TBPL1: variants seen among roughly 807,000 people sequenced by gnomAD.
TBPL1 encodes the protein TATA-box binding protein like 1.
Under a neutral mutation model 22.1 loss-of-function variants are expected in TBPL1, and 4 were observed. The ratio of observed to expected loss-of-function variants is 0.18; its 90% CI spans 0.09 to 0.41. The LOEUF is 0.41. Among genes scored for constraint, TBPL1 ranks in the 10% least tolerant of loss-of-function variants. The pLI is 1.00. For missense variants in TBPL1, 115 were observed against 222.3 expected (o/e 0.52, Z 3.07); for synonymous variants, 64 against 71.0 (o/e 0.90, Z 0.50).
chr6:133,971,649 CATT>C (rs1463924808), intron 1 of TBPL1, among the ~76,000 whole-genome samples: 1 of 151,878 alleles, frequency 6.6e-6, no homozygotes, highest in African/African-American at 2.4e-5. Flanking sequence ...GGTGGTATCT[CATT>C]GTGGTTTTGA....
intron 1 of TBPL1, among the ~76,000 whole-genome samples, chr6:133,973,814 A>G (rs1181749507): frequency 1.3e-5 from 2 of 152,134 alleles, no homozygotes; most frequent in African/African-American, 4.8e-5. Flanking sequence ...TTGACAAATC[A>G]CACTAAGCCA....
intron 2 of TBPL1, 138 bp downstream of exon 2, chr6:133,980,398 C>T: frequency 1.1e-6 from 1 of 951,884 alleles, no homozygotes; most frequent in Non-Finnish European, 1.4e-6. Context: ...AGAAGTGAGC[C>T]CTGTAAAAGC....
chr6:133,969,518 TG>T (rs1776181964), intron 1 of TBPL1, among the ~76,000 whole-genome samples: 1 of 152,196 alleles, frequency 6.6e-6, no homozygotes, highest in African/African-American at 2.4e-5. Flanking sequence ...TGATGCTTTT[TG>T]TACATCAAAT....
chr6:133,968,103 C>G (rs1490238716), intron 1 of TBPL1, among the ~76,000 whole-genome samples: 3 of 151,532 alleles, frequency 2.0e-5, no homozygotes, highest in Non-Finnish European at 4.4e-5. Context: ...GCATCTGCCT[C>G]AGCCTCCCCC....
At chr6:133,955,641 G>C (rs1039499365) in intron 1 of TBPL1, among the ~76,000 whole-genome samples, 2 of 152,054 alleles carry the variant, frequency 1.3e-5, no homozygotes, top group African/African-American at 2.4e-5. Context: ...TTAAAATAAG[G>C]TATATTAAAA....
intron 1 of TBPL1, among the ~76,000 whole-genome samples, chr6:133,960,560 C>T (rs1010224172): frequency 6.6e-6 from 1 of 151,958 alleles, no homozygotes; most frequent in African/African-American, 2.4e-5. Context: ...GAATGCATGC[C>T]TCTTGATTTA....
chr6:133,980,292 A>G (rs765916226), intron 2 of TBPL1, 32 bp downstream of exon 2: 7 of 1,568,600 alleles, frequency 4.5e-6, no homozygotes, highest in Non-Finnish European at 6.0e-6. Flanking sequence ...TTTGTACTAC[A>G]TAGCCTAATT....
At chr6:133,973,918 C>T (rs1776267272) in intron 1 of TBPL1, among the ~76,000 whole-genome samples, 1 of 148,528 alleles carries the variant, frequency 6.7e-6, no homozygotes, top group Non-Finnish European at 1.5e-5. Flanking sequence ...GTATTTAAAT[C>T]AGAATGGGAA....
At chr6:133,975,645 A>G (rs778603793) in intron 1 of TBPL1, among the ~76,000 whole-genome samples, 4 of 152,248 alleles carry the variant, frequency 2.6e-5, no homozygotes, top group Admixed American at 1.3e-4. Flanking sequence ...TAAATGAAGT[A>G]TTAGCAAACC....
At chr6:133,969,691 A>G (rs1161106085) in intron 1 of TBPL1, among the ~76,000 whole-genome samples, 1 of 152,178 alleles carries the variant, frequency 6.6e-6, no homozygotes, top group Non-Finnish European at 1.5e-5. Context: ...ACTGACTCCT[A>G]AAATGTCCTC....
At chr6:133,957,105 A>G (rs1239075410) in intron 1 of TBPL1, among the ~76,000 whole-genome samples, 1 of 152,208 alleles carries the variant, frequency 6.6e-6, no homozygotes, top group East Asian at 1.9e-4. Context: ...GATAAAATAG[A>G]GAATTTGGTT....
At chr6:133,983,957 G>A (rs2114388192) in intron 4 of TBPL1, among the ~76,000 whole-genome samples, 1 of 152,260 alleles carries the variant, frequency 6.6e-6, no homozygotes, top group African/African-American at 2.4e-5. Flanking sequence ...AAAAACATCT[G>A]ACTTTTGGAG....
intron 1 of TBPL1, among the ~76,000 whole-genome samples, chr6:133,978,468 C>G (rs979516837): frequency 6.6e-6 from 1 of 152,144 alleles, no homozygotes; most frequent in Non-Finnish European, 1.5e-5. Flanking sequence ...TGCTTAAGAC[C>G]AATGGTAATA....
At chr6:133,970,836 C>T (rs1776207565) in intron 1 of TBPL1, among the ~76,000 whole-genome samples, 1 of 151,974 alleles carries the variant, frequency 6.6e-6, no homozygotes, top group Non-Finnish European at 1.5e-5. Context: ...TTTTAATTGA[C>T]ACATGATTGT....
At chr6:133,953,610 G>C (rs1463716324) in intron 1 of TBPL1, among the ~76,000 whole-genome samples, 185 bp downstream of exon 1, 1 of 152,126 alleles carries the variant, frequency 6.6e-6, no homozygotes, top group African/African-American at 2.4e-5. Flanking sequence ...CGGTGGCCGA[G>C]GGAGGGCTCA....
At chr6:133,971,616 A>G (rs1776223182) in intron 1 of TBPL1, among the ~76,000 whole-genome samples, 1 of 151,958 alleles carries the variant, frequency 6.6e-6, no homozygotes, top group Non-Finnish European at 1.5e-5. Context: ...GTTTTTTTAT[A>G]ATAGCCATTC....
At chr6:133,967,547 C>A (rs926780480) in intron 1 of TBPL1, among the ~76,000 whole-genome samples, 1 of 152,008 alleles carries the variant, frequency 6.6e-6, no homozygotes, top group Admixed American at 6.6e-5. Context: ...TTATATAAAC[C>A]CAGACGGTAG....
At position 133,957,855 on chromosome 6, in the gene TBPL1, T is replaced by C. The variant is rs146522565; in HGVS notation, c.-45+4430T>C. Among the ~76,000 whole-genome samples, 1,140 of 152,348 alleles carry C rather than the reference T, an allele frequency of 7.5e-3. 12 individuals carry two copies. The highest frequency in any genetic ancestry group is 0.014 in the Middle Eastern group (4 of 294). On this transcript the variant is annotated intron_variant, in intron 1 of 6. Coordinates refer to ENST00000237264, the MANE Select transcript of TBPL1 (RefSeq NM_004865.4). ...AACTTTAGTTAAAAGCTTTAAAAAG[T>C]ATTAGCAGGTGCTAGTAGCAGTGGC... is the stretch of plus-strand genomic sequence containing the variant.
At chr6:133,972,353 G>A (rs1448066539) in intron 1 of TBPL1, among the ~76,000 whole-genome samples, 16 of 151,940 alleles carry the variant, frequency 1.1e-4, no homozygotes, top group Non-Finnish European at 5.9e-5. Context: ...TGTTAAAACC[G>A]GGATCTAATC....
Sources: gnomAD v4.1 joint callset for allele counts (sites outside exome capture counted in the v4.1 genomes callset) on GRCh38, gnomAD v4.1.1 for gene constraint, MANE v1.5 for transcripts, NCBI Gene and HGNC (gene_info 2026-07-23, HGNC 2026-07-21) for gene names.